The following CCDC175 variants were observed in gnomAD, a reference collection of about 807,000 sequenced individuals.
CCDC175 encodes the protein coiled-coil domain containing 175, also known as coiled-coil domain-containing protein 175.
Under a neutral mutation model 114.6 loss-of-function variants are expected in CCDC175, and 100 were observed. That is an observed-to-expected ratio of 0.87 (90% CI 0.74 to 1.03). CCDC175 has a LOEUF of 1.03. CCDC175 is among the 50% of genes least tolerant of loss of function. CCDC175 has a pLI of 0.00. For missense variants in CCDC175, 880 were observed against 917.8 expected, an observed-to-expected ratio of 0.96 and a Z score of 0.53; for synonymous variants, 306 against 308.7, an observed-to-expected ratio of 0.99 and a Z score of 0.09.
At chr14:59,521,830 C>A (rs920249672) in intron 16 of CCDC175, among the ~76,000 whole-genome samples, 154 bp from the exon 17 acceptor site, 4 of 152,186 alleles carry the variant, frequency 2.6e-5, no homozygotes, top group Non-Finnish European at 5.9e-5. Flanking sequence ...ATACCTTGGT[C>A]AGGATTCCAT....
chr14:59,505,372 G>A (rs1009929388), intron 19 of CCDC175, 57 bp from the exon 20 acceptor site: 16 of 893,138 alleles, frequency 1.8e-5, no homozygotes, highest in Non-Finnish European at 2.4e-5. Flanking sequence ...CATTTGGGGG[G>A]TTATTAGTGT....
At chr14:59,543,128 C>G (rs1894888225) in intron 10 of CCDC175, among the ~76,000 whole-genome samples, 1 of 152,152 alleles carries the variant, frequency 6.6e-6, no homozygotes, top group Admixed American at 6.5e-5. Flanking sequence ...TGGTCCATTC[C>G]TGGGGCCCAG....
At chr14:59,526,612 T>C (rs1160970032) in intron 15 of CCDC175, among the ~76,000 whole-genome samples, 1 of 152,224 alleles carries the variant, frequency 6.6e-6, no homozygotes, top group African/African-American at 2.4e-5. Flanking sequence ...TGTTTCCATT[T>C]TTAATTAACC....
At chr14:59,526,403 C>T (rs11622211) in intron 15 of CCDC175, among the ~76,000 whole-genome samples, 58,857 of 151,612 alleles carry the variant, frequency 0.39, 12,194 homozygotes, top group African/African-American at 0.52. Flanking sequence ...ATCAAGAGTT[C>T]GAAACCAGCC....
At chr14:59,540,533 G>T (rs1894710984) in intron 11 of CCDC175, 142 bp downstream of exon 11, 3 of 933,574 alleles carry the variant, frequency 3.2e-6, no homozygotes, top group Middle Eastern at 3.4e-4. Flanking sequence ...ATCTAGATCC[G>T]AGAGAATTTA....
intron 17 of CCDC175, among the ~76,000 whole-genome samples, chr14:59,515,528 T>A (rs1388400892): frequency 6.6e-6 from 1 of 152,052 alleles, no homozygotes; most frequent in East Asian, 1.9e-4. Context: ...TAGTCTCTCA[T>A]AAAACAGACT....
rs564292830 is a variant in CCDC175 at position 59,555,084 on chromosome 14, G to A, written c.954-3648C>T. 9.4e-3 allele frequency among the ~76,000 whole-genome samples: 1,428 copies of A among 151,726 alleles called. 23 individuals are homozygous for A. Among genetic ancestry groups the A allele is most frequent in the African/African-American group, 0.031 (1,275 of 41,450 alleles). On this transcript the variant is annotated intron_variant, in intron 7 of 19. Transcript: ENST00000537690. The stretch of plus-strand genomic sequence containing the variant: ...ACTTCTGAAACTATTCCAATCAATA[G>A]AAAGAGGGAATCCTCCCTAACTCAT...
Position 59,505,313 on chromosome 14 carries a change from T to C in CCDC175, c.2308A>G (p.Lys770Glu). 1 of 1,458,766 alleles carries C rather than the reference T, an allele frequency of 6.9e-7. No individual in the cohort carries two copies. Among genetic ancestry groups the C allele is most frequent in the Non-Finnish European group, 9.2e-7 (1 of 1,088,370 alleles). The allele number at this position is 1,458,766 out of a possible 1,614,324, so 90.4% of individuals were successfully genotyped here. A position where few individuals can be genotyped will look rare whatever the true frequency, so the allele number is the denominator to read the frequency against. Reference protein sequence around the residue: ...EQESPMDLLKKKKHIRTRVHF... With the variant: ...EQESPMDLLKEKKHIRTRVHF... ...ACCCTTGTACGAATGTGTTTCTTCT[T>C]CTCTGTAGGAATAAAAAATAAATAT... Residue 770 changes from lysine to glutamate, a missense_variant and splice_region_variant, in exon 20 of 20, where the codon AAG becomes GAG. Transcript: ENST00000537690.
chr14:59,565,794 G>T (rs990338335), intron 4 of CCDC175, among the ~76,000 whole-genome samples: 10 of 152,218 alleles, frequency 6.6e-5, no homozygotes, highest in African/African-American at 2.4e-4. Context: ...TGAATGTCAC[G>T]TGGCCTTGCC....
At chr14:59,564,967 A>C in intron 5 of CCDC175, 80 bp downstream of exon 5, 2 of 1,115,028 alleles carry the variant, frequency 1.8e-6, no homozygotes, top group Non-Finnish European at 2.5e-6. Context: ...GCCAGCCTTG[A>C]GGACAAATAA....
intron 14 of CCDC175, among the ~76,000 whole-genome samples, chr14:59,529,026 A>C (rs1205670651): frequency 6.6e-6 from 1 of 152,138 alleles, no homozygotes; most frequent in African/African-American, 2.4e-5. Context: ...TTCACACTGG[A>C]TGCTTCAGAT....
intron 7 of CCDC175, among the ~76,000 whole-genome samples, chr14:59,555,274 G>T (rs984018128): frequency 6.6e-6 from 1 of 152,190 alleles, no homozygotes; most frequent in African/African-American, 2.4e-5. Flanking sequence ...CCATGATCAA[G>T]TGGGCTTCAT....
intron 14 of CCDC175, among the ~76,000 whole-genome samples, chr14:59,528,099 A>G (rs1241628300): frequency 6.6e-6 from 1 of 152,056 alleles, no homozygotes; most frequent in Admixed American, 6.5e-5. Flanking sequence ...ATATGTTTCT[A>G]TTCTATATTC....
At chr14:59,555,042 G>C (rs1226059992) in intron 7 of CCDC175, among the ~76,000 whole-genome samples, 1 of 152,194 alleles carries the variant, frequency 6.6e-6, no homozygotes. Context: ...GAGGTACAAG[G>C]AGGAGCTGGT....
Position 59,525,344 on chromosome 14 carries a change from C to T in CCDC175, c.1933G>A (p.Gly645Arg). The T allele has an allele frequency of 2.7e-6, 4 of 1,502,404 alleles. No homozygotes were observed. Among genetic ancestry groups the T allele is most frequent in the East Asian group, 2.5e-5 (1 of 39,492 alleles). 93.1% of individuals were successfully genotyped at this position (1,502,404 alleles called of 1,614,324 possible). The change falls in exon 16 of 20, where the codon GGA becomes AGA. Residue 645 changes from glycine to arginine, a missense_variant. Gly to Arg is a moderately radical substitution (Grantham distance 125). Transcript: ENST00000537690. ...HFETLKNLEN[G>R]FYINDQKADL... ...GCTTTTTGGTCATTTATATAGAATC[C>T]ATTTTCTAAGTTCTTTAGAGTTTCA...
intron 4 of CCDC175, among the ~76,000 whole-genome samples, chr14:59,566,618 C>T (rs999505677): frequency 2.0e-5 from 3 of 152,002 alleles, no homozygotes; most frequent in Middle Eastern, 3.2e-3. Flanking sequence ...TAAGTGAAAT[C>T]AAAAAACCTC....
At chr14:59,531,610 T>A (rs1894079072) in intron 14 of CCDC175, among the ~76,000 whole-genome samples, 162 bp downstream of exon 14, 1 of 152,098 alleles carries the variant, frequency 6.6e-6, no homozygotes, top group African/African-American at 2.4e-5. Flanking sequence ...GGAGGAGAAA[T>A]TAGTAGGTGA....
intron 1 of CCDC175, 77 bp downstream of exon 1, chr14:59,576,542 C>T: frequency 1.5e-6 from 2 of 1,312,058 alleles, no homozygotes; most frequent in Non-Finnish European, 2.0e-6. Context: ...AGAGTCCCCG[C>T]TCAGGGTTCC....
rs535959279 is a variant in CCDC175, at chr14:59,573,793, A to G, written c.244-980T>C. 4.6e-5 allele frequency among the ~76,000 whole-genome samples: 7 copies of G among 152,070 alleles called. No homozygotes were observed. The South Asian group carries it at 1.5e-3, about 32-fold the overall frequency. On this transcript the variant is annotated intron_variant, in intron 2 of 19. Transcript: ENST00000537690. Reference sequence around the variant, plus strand: ...TTGCCAGGCTAATTTTTGTATTTTTAGTAGAGATGGAGTTTCACCATGTCT... The same window carrying G: ...TTGCCAGGCTAATTTTTGTATTTTTGGTAGAGATGGAGTTTCACCATGTCT...
Sources: allele counts gnomAD v4.1 joint callset (sites outside exome capture counted in the v4.1 genomes callset), GRCh38; gene constraint gnomAD v4.1.1; transcripts MANE v1.5; gene names NCBI Gene and HGNC (gene_info 2026-07-23, HGNC 2026-07-21).